The following SGCD variants were observed in gnomAD, a reference collection of about 807,000 sequenced individuals.
SGCD encodes delta-sarcoglycan.
A neutral mutation model predicts 36.6 loss-of-function variants in SGCD; 18 were observed. That is an observed-to-expected ratio of 0.49 (90% CI 0.34 to 0.73). SGCD has a LOEUF of 0.73. Ranked by LOEUF, SGCD falls within the 30% of genes least tolerant of loss-of-function variation. The probability of loss-of-function intolerance (pLI) is 0.01; values close to 1 mark genes in which losing one functional copy is unlikely to be tolerated. For synonymous variants in SGCD, 133 were observed against 130.6 expected (o/e 1.02, Z -0.12); for missense variants, 387 against 346.7 (o/e 1.12, Z -0.92).
intron 1 of SGCD, among the ~76,000 whole-genome samples, chr5:155,959,474 A>G (rs1757745765): frequency 1.3e-5 from 2 of 152,076 alleles, no homozygotes; most frequent in Non-Finnish European, 1.5e-5. Context: ...CTCTTTGTGG[A>G]ATCTTTCTCT....
chr5:156,214,641 G>T (rs1382333037), intron 3 of SGCD, among the ~76,000 whole-genome samples: 3 of 151,846 alleles, frequency 2.0e-5, no homozygotes, highest in African/African-American at 2.4e-5. Flanking sequence ...AATAGCCAAA[G>T]CAATCTTGAA....
chr5:155,946,862 A>C (rs1284966290), intron 1 of SGCD, among the ~76,000 whole-genome samples: 2 of 152,210 alleles, frequency 1.3e-5, no homozygotes, highest in African/African-American at 4.8e-5. Flanking sequence ...ATGGCACATT[A>C]TAACAATGAT....
intron 7 of SGCD, among the ~76,000 whole-genome samples, chr5:156,715,437 T>C (rs957257521): frequency 2.6e-5 from 4 of 152,182 alleles, no homozygotes; most frequent in African/African-American, 9.7e-5. Context: ...TTGCAAATGG[T>C]CTTTTTCGGT....
intron 7 of SGCD, among the ~76,000 whole-genome samples, chr5:156,734,008 A>G (rs1256953952): frequency 6.6e-6 from 1 of 151,974 alleles, no homozygotes; most frequent in Non-Finnish European, 1.5e-5. Context: ...GTTGCTTTAT[A>G]TTGTCATCAG....
At chr5:156,511,288 T>C (rs1474926679) in intron 4 of SGCD, among the ~76,000 whole-genome samples, 1 of 152,224 alleles carries the variant, frequency 6.6e-6, no homozygotes, top group African/African-American at 2.4e-5. Context: ...ATGTGAGCTC[T>C]ACCTGAAACC....
At chr5:155,931,019 A>G (rs1422674686) in intron 1 of SGCD, among the ~76,000 whole-genome samples, 1 of 152,054 alleles carries the variant, frequency 6.6e-6, no homozygotes, top group Non-Finnish European at 1.5e-5. Flanking sequence ...AAGCACTCTG[A>G]TCTTCCATAA....
intron 5 of SGCD, 38 bp downstream of exon 5, chr5:156,589,356 C>A (rs768138409): frequency 2.6e-6 from 3 of 1,169,496 alleles, no homozygotes; most frequent in South Asian, 2.7e-5. Flanking sequence ...CTAGCCCATG[C>A]GAGGCACTCA....
intron 6 of SGCD, among the ~76,000 whole-genome samples, chr5:156,610,331 A>G (rs1342402160): frequency 6.6e-6 from 1 of 152,054 alleles, no homozygotes; most frequent in South Asian, 2.1e-4. Context: ...TTGCCTGGGT[A>G]TCAGCAGTGG....
chr5:156,454,438 GA>G (rs1385252265), intron 3 of SGCD, among the ~76,000 whole-genome samples: 1 of 152,180 alleles, frequency 6.6e-6, no homozygotes, highest in Non-Finnish European at 1.5e-5. Context: ...GGCTAAACTA[GA>G]AGGGAAACTT....
intron 3 of SGCD, among the ~76,000 whole-genome samples, chr5:156,296,120 C>T (rs1766887718): frequency 6.6e-6 from 1 of 152,156 alleles, no homozygotes; most frequent in African/African-American, 2.4e-5. Context: ...CAAGCAGGCA[C>T]AAGTTCTGTG....
chr5:156,330,943 A>G (rs1768041839), intron 2 of SGCD, among the ~76,000 whole-genome samples: 1 of 152,210 alleles, frequency 6.6e-6, no homozygotes, highest in Admixed American at 6.5e-5. Flanking sequence ...ACAAGACAAA[A>G]GTATCTGCCT....
At chr5:156,210,258 G>A (rs1435562761) in intron 3 of SGCD, among the ~76,000 whole-genome samples, 1 of 152,174 alleles carries the variant, frequency 6.6e-6, no homozygotes, top group African/African-American at 2.4e-5. Flanking sequence ...CTCAGCTACA[G>A]GCCAAACCAG....
Position 156,395,013 on chromosome 5 carries a change from A to C in SGCD, c.192+50336A>C, listed in dbSNP as rs1771773697. Among the ~76,000 whole-genome samples, 3 of 152,182 alleles carry C rather than the reference A, an allele frequency of 2.0e-5. No individual in the cohort carries two copies. In the South Asian group the frequency reaches 6.2e-4, roughly 32 times the overall value. ...CACAGTACTGGCTGTATCTGTCCTT[A>C]ATTTACTGAATGACAGGATGTGTGT... On this transcript the variant is annotated intron_variant, in intron 3 of 8. Coordinates refer to ENST00000337851, the MANE Select transcript of SGCD (RefSeq NM_000337.6).
chr5:155,740,394 C>T, the SGCD span, among the ~76,000 whole-genome samples: 28 of 152,052 alleles, frequency 1.8e-4, no homozygotes, highest in African/African-American at 4.8e-4. Flanking sequence ...GAATGTTTTC[C>T]TTGCATTTAT....
chr5:156,394,757 G>A (rs1204252541), intron 3 of SGCD, among the ~76,000 whole-genome samples: 1 of 152,130 alleles, frequency 6.6e-6, no homozygotes, highest in Non-Finnish European at 1.5e-5. Flanking sequence ...AAATATTGTG[G>A]CCCTTGGCTT....
intron 3 of SGCD, among the ~76,000 whole-genome samples, chr5:156,242,371 A>G (rs562572637): frequency 2.8e-4 from 43 of 152,310 alleles, no homozygotes; most frequent in African/African-American, 7.7e-4. Context: ...AAAGGACACC[A>G]TAGGAGATTC....
At chr5:156,641,843 A>G (rs889775262) in intron 6 of SGCD, among the ~76,000 whole-genome samples, 1 of 152,084 alleles carries the variant, frequency 6.6e-6, no homozygotes, top group Non-Finnish European at 1.5e-5. Context: ...ACTACCAATC[A>G]TATGATCCCA....
chr5:156,700,443 G>T (rs1754483200), intron 7 of SGCD, among the ~76,000 whole-genome samples: 1 of 152,084 alleles, frequency 6.6e-6, no homozygotes, highest in Non-Finnish European at 1.5e-5. Context: ...ATCTACCTGT[G>T]TGACTACCAT....
chr5:155,937,651 T>G (rs1206015494), intron 1 of SGCD, among the ~76,000 whole-genome samples: 1 of 152,152 alleles, frequency 6.6e-6, no homozygotes, highest in Admixed American at 6.5e-5. Context: ...CAGAGCACTG[T>G]GGTCAAGACA....
Sources: gnomAD v4.1 joint callset for allele counts (sites outside exome capture counted in the v4.1 genomes callset) on GRCh38, gnomAD v4.1.1 for gene constraint, MANE v1.5 for transcripts, NCBI Gene and HGNC (gene_info 2026-07-23, HGNC 2026-07-21) for gene names.